Variants in NBAS observed in about 807,000 individuals in gnomAD.
NBAS encodes the protein NAG/BC035112 fusion.
Under a neutral mutation model 302.5 loss-of-function variants are expected in NBAS, and 219 were observed. That is an observed-to-expected ratio of 0.72 (90% CI 0.65 to 0.81). The LOEUF (loss-of-function observed/expected upper bound fraction) is 0.81. Ranked by LOEUF, NBAS falls within the 30% of genes least tolerant of loss-of-function variation. The probability of loss-of-function intolerance (pLI) is 0.00; values close to 1 mark genes in which losing one functional copy is unlikely to be tolerated. For missense variants in NBAS, 2,932 were observed against 2,841.6 expected (o/e 1.03, Z -0.72); for synonymous variants, 1,118 against 1,021.6 (o/e 1.09, Z -1.80).
chr2:15,394,117 T>C (rs1675748932), intron 28 of NBAS, 110 bp downstream of exon 28: 7 of 1,150,396 alleles, frequency 6.1e-6, no homozygotes, highest in African/African-American at 4.7e-5. Context: ...ACTTTAAATA[T>C]GTGCAGTTTA....
intron 44 of NBAS, among the ~76,000 whole-genome samples, chr2:15,252,924 A>T (rs937372183): frequency 4.6e-5 from 7 of 152,238 alleles, no homozygotes. Context: ...TAAATTAAGT[A>T]TGTGGGTACA....
At chr2:15,385,098 A>G (rs545415588) in intron 28 of NBAS, among the ~76,000 whole-genome samples, 10 of 152,250 alleles carry the variant, frequency 6.6e-5, no homozygotes, top group Non-Finnish European at 1.5e-4. Flanking sequence ...CTTGTTCCAC[A>G]TGCAATTAGG....
intron 10 of NBAS, among the ~76,000 whole-genome samples, chr2:15,509,372 GC>G (rs1192069969): frequency 3.3e-5 from 5 of 152,130 alleles, no homozygotes; most frequent in Admixed American, 2.0e-4. Context: ...AGAATAAAGG[GC>G]TGATAGACTA....
intron 13 of NBAS, among the ~76,000 whole-genome samples, 190 bp downstream of exon 13, chr2:15,478,036 G>A (rs1229510107): frequency 6.6e-6 from 1 of 151,198 alleles, no homozygotes; most frequent in East Asian, 1.9e-4. Flanking sequence ...CCTGGCAGGA[G>A]AGCCAGCTTT....
At chr2:15,176,203 T>C (rs1664531133) in intron 51 of NBAS, among the ~76,000 whole-genome samples, 1 of 152,226 alleles carries the variant, frequency 6.6e-6, no homozygotes, top group Non-Finnish European at 1.5e-5. Context: ...ACTCTTCCCT[T>C]AGAAAAGTGT....
At chr2:15,210,178 T>C (rs1339908554) in intron 48 of NBAS, among the ~76,000 whole-genome samples, 1 of 151,820 alleles carries the variant, frequency 6.6e-6, no homozygotes, top group Non-Finnish European at 1.5e-5. Context: ...ATCAACAAAG[T>C]GAAGAGACAA....
the NBAS span, among the ~76,000 whole-genome samples, chr2:14,986,162 A>G: frequency 6.6e-6 from 1 of 152,186 alleles, no homozygotes; most frequent in Non-Finnish European, 1.5e-5. Flanking sequence ...TCCCAGAGCA[A>G]AATTAAATTG....
chr2:15,172,519 A>G (rs1375062493), intron 51 of NBAS, among the ~76,000 whole-genome samples: 3 of 152,120 alleles, frequency 2.0e-5, no homozygotes, highest in African/African-American at 7.2e-5. Context: ...GACTTGTTTT[A>G]TTGCTTTAAA....
At chr2:15,355,771 G>C in intron 33 of NBAS, among the ~76,000 whole-genome samples, 1 of 152,112 alleles carries the variant, frequency 6.6e-6, no homozygotes, top group South Asian at 2.1e-4. Context: ...TGCTGTGAGT[G>C]AAAGCTCCCT....
chr2:15,375,964 T>G (rs527483006), intron 30 of NBAS, among the ~76,000 whole-genome samples: 3 of 152,176 alleles, frequency 2.0e-5, no homozygotes, highest in East Asian at 1.9e-4. Context: ...AAGAATTTAT[T>G]CATGATTTAA....
At chr2:15,320,766 T>G (rs982464209) in intron 38 of NBAS, among the ~76,000 whole-genome samples, 2 of 151,588 alleles carry the variant, frequency 1.3e-5, no homozygotes, top group African/African-American at 4.9e-5. Flanking sequence ...AATGGAAGAA[T>G]ATTCCATGCT....
the NBAS span, among the ~76,000 whole-genome samples, chr2:15,151,716 C>T: frequency 1.6e-4 from 24 of 152,200 alleles, no homozygotes; most frequent in East Asian, 2.1e-3. Flanking sequence ...GGCTCATTTT[C>T]GATATATTTG....
At chr2:15,357,755 T>C (rs1223278058) in intron 32 of NBAS, among the ~76,000 whole-genome samples, 1 of 152,168 alleles carries the variant, frequency 6.6e-6, no homozygotes, top group Non-Finnish European at 1.5e-5. Flanking sequence ...CTTACATTAT[T>C]AACTTTACCC....
At chr2:15,467,608 T>C in intron 18 of NBAS, 56 bp downstream of exon 18, 1 of 1,527,828 alleles carries the variant, frequency 6.5e-7, no homozygotes, top group Non-Finnish European at 9.1e-7. Flanking sequence ...AGGAACACAC[T>C]GAAATGATTA....
chr2:15,394,170 A>G, intron 28 of NBAS, 57 bp downstream of exon 28: 3 of 1,510,258 alleles, frequency 2.0e-6, no homozygotes, highest in Non-Finnish European at 2.7e-6. Context: ...AAAGAGAAAT[A>G]CTTTTAAAAA....
intron 32 of NBAS, 90 bp from the exon 33 acceptor site, chr2:15,356,506 A>T (rs987548130): frequency 1.1e-6 from 1 of 921,610 alleles, no homozygotes; most frequent in Non-Finnish European, 1.8e-6. Flanking sequence ...AATTACTTAA[A>T]AAATAAAACA....
chr2:15,540,704 T>G (rs558779989), intron 6 of NBAS, among the ~76,000 whole-genome samples: 1 of 143,558 alleles, frequency 7.0e-6, no homozygotes, highest in East Asian at 2.0e-4. Context: ...AGCAAATATA[T>G]GCCTTTTGTT....
chr2:15,008,275 G>C, the NBAS span, among the ~76,000 whole-genome samples: 1 of 152,296 alleles, frequency 6.6e-6, no homozygotes, highest in Non-Finnish European at 1.5e-5. Flanking sequence ...GCTAAGTTCT[G>C]TCTCTCCAGA....
intron 21 of NBAS, among the ~76,000 whole-genome samples, chr2:15,448,731 A>G (rs1421866859): frequency 3.3e-5 from 5 of 152,176 alleles, no homozygotes; most frequent in Admixed American, 3.3e-4. Context: ...TGTCGACAAA[A>G]TATTATTTTG....
Sources: allele counts gnomAD v4.1 joint callset (sites outside exome capture counted in the v4.1 genomes callset), GRCh38; gene constraint gnomAD v4.1.1; transcripts MANE v1.5; gene names NCBI Gene and HGNC (gene_info 2026-07-23, HGNC 2026-07-21).